Variants in FAM117A observed in about 807,000 individuals in gnomAD.
The protein encoded by FAM117A is family with sequence similarity 117 member A.
FAM117A carries 21 observed loss-of-function variants against 44.1 expected under a neutral mutation model. The ratio of observed to expected loss-of-function variants is 0.48; its 90% confidence interval spans 0.34 to 0.69. FAM117A has a LOEUF of 0.69. FAM117A is among the 30% of genes least tolerant of loss of function. FAM117A has a pLI of 0.01. For missense variants in FAM117A, 498 were observed against 589.9 expected (o/e 0.84, Z 1.61); for synonymous variants, 220 against 238.3 (o/e 0.92, Z 0.71).
chr17:49,768,255 G>A (rs967221036), upstream of FAM117A, among the ~76,000 whole-genome samples: 10 of 152,212 alleles, frequency 6.6e-5, no homozygotes, highest in East Asian at 1.9e-3. Flanking sequence ...GAATCAAGAG[G>A]AACTTTCCAC....
chr17:49,724,613 A>G (rs1392919718), intron 2 of FAM117A: 1 of 399,310 alleles, frequency 2.5e-6, no homozygotes, highest in African/African-American at 2.1e-5. Flanking sequence ...CGGGTGGATC[A>G]CTTGAGGTCA....
chr17:49,744,554 A>G (rs567595332), intron 1 of FAM117A, among the ~76,000 whole-genome samples: 2 of 152,028 alleles, frequency 1.3e-5, no homozygotes, highest in East Asian at 3.9e-4. Flanking sequence ...TCCTGGGCTC[A>G]AGCGATTCTC....
chr17:49,757,281 G>T (rs2073702894), intron 1 of FAM117A, among the ~76,000 whole-genome samples: 1 of 152,074 alleles, frequency 6.6e-6, no homozygotes, highest in Non-Finnish European at 1.5e-5. Flanking sequence ...TACATGGCCT[G>T]GACTTCAGTT....
At chr17:49,727,387 G>A (rs937092703) in intron 2 of FAM117A, among the ~76,000 whole-genome samples, 14 of 152,326 alleles carry the variant, frequency 9.2e-5, no homozygotes, top group Admixed American at 2.6e-4. Flanking sequence ...TAGCTTGGGC[G>A]ACAGGGCGAG....
intron 1 of FAM117A, among the ~76,000 whole-genome samples, chr17:49,759,865 A>G (rs553102657): frequency 1.3e-5 from 2 of 152,338 alleles, no homozygotes; most frequent in East Asian, 1.9e-4. Context: ...GGGGAAGCCA[A>G]TATTTTAGGG....
intron 1 of FAM117A, among the ~76,000 whole-genome samples, chr17:49,781,261 G>T (rs1436122327): frequency 6.6e-6 from 1 of 152,172 alleles, no homozygotes; most frequent in African/African-American, 2.4e-5. Flanking sequence ...AACAGACCTA[G>T]TAAATAAACA....
intron 1 of FAM117A, among the ~76,000 whole-genome samples, chr17:49,778,394 G>A (rs1385790394): frequency 2.0e-5 from 3 of 152,156 alleles, no homozygotes; most frequent in African/African-American, 4.8e-5. Flanking sequence ...GACCCTTAGT[G>A]TTGACTTTTG....
intron 7 of FAM117A, 22 bp from the exon 8 acceptor site, chr17:49,711,577 A>T (rs769222734): frequency 6.2e-7 from 1 of 1,610,050 alleles, no homozygotes; most frequent in South Asian, 1.1e-5. Flanking sequence ...AGAGAGACAC[A>T]CAAGACACAT....
chr17:49,717,665 C>T lies in FAM117A; in HGVS notation c.758G>A (p.Gly253Asp), dbSNP rs1441088339. The change falls in exon 6 of 8, where the codon GGC (glycine) becomes GAC (aspartate). Residue 253 changes from glycine to aspartate, a missense_variant. Physicochemically the swap from Gly to Asp is moderately conservative, Grantham distance 94. Transcript: ENST00000240364. ...GHRAPAPPQS[G>D]SCDHPLLLLE... Reference sequence around the variant, plus strand: ...GAGGAGGAGGGGATGATCACAGCTGCCACTCTGGGGAGGAGCTGGGGCCCG... The same window carrying T: ...GAGGAGGAGGGGATGATCACAGCTGTCACTCTGGGGAGGAGCTGGGGCCCG... 1.2e-6 allele frequency: 2 copies of T among 1,613,680 alleles called. No homozygotes were observed. The highest frequency in any genetic ancestry group is 1.3e-5 in the African/African-American group (1 of 74,910).
chr17:49,718,427 G>A (rs1333608792), intron 5 of FAM117A, among the ~76,000 whole-genome samples: 1 of 152,190 alleles, frequency 6.6e-6, no homozygotes, highest in Admixed American at 6.5e-5. Flanking sequence ...CCAGCACTTT[G>A]GGAGGCTGAG....
At chr17:49,772,216 CA>C (rs1334992067) in intron 1 of FAM117A, among the ~76,000 whole-genome samples, 1 of 151,388 alleles carries the variant, frequency 6.6e-6, no homozygotes, top group Non-Finnish European at 1.5e-5. Context: ...TTGCTTAACC[CA>C]GGAGATCAAG....
At chr17:49,763,648 T>G (rs1453044653) in intron 1 of FAM117A, among the ~76,000 whole-genome samples, 1 of 151,170 alleles carries the variant, frequency 6.6e-6, no homozygotes, top group East Asian at 2.0e-4. Flanking sequence ...AGCCTCCATC[T>G]GCCAGGTCCC....
intron 1 of FAM117A, among the ~76,000 whole-genome samples, chr17:49,739,282 A>T (rs2073623092): frequency 6.6e-6 from 1 of 152,178 alleles, no homozygotes; most frequent in South Asian, 2.1e-4. Context: ...AGTAAGCCCT[A>T]GCCCCTCTAT....
intron 1 of FAM117A, among the ~76,000 whole-genome samples, chr17:49,733,807 T>C (rs967647673): frequency 2.0e-5 from 3 of 152,122 alleles, no homozygotes; most frequent in Non-Finnish European, 4.4e-5. Context: ...ATCATCTAAG[T>C]TGACCCTGTT....
intron 1 of FAM117A, among the ~76,000 whole-genome samples, chr17:49,751,943 C>CAAAAAAA (rs71146933): frequency 8.8e-5 from 5 of 56,958 alleles, no homozygotes; most frequent in Admixed American, 2.0e-4. Flanking sequence ...GACTCCATCT[C>CAAAAAAA]AAAAAAAAAA....
At chr17:49,738,718 C>G (rs75253330) in intron 1 of FAM117A, among the ~76,000 whole-genome samples, 5,225 of 152,302 alleles carry the variant, frequency 0.034, 333 homozygotes, top group African/African-American at 0.12. Context: ...CCTCCCAACT[C>G]TCCAAATTCT....
intron 1 of FAM117A, among the ~76,000 whole-genome samples, chr17:49,734,274 A>G (rs2073600536): frequency 6.6e-6 from 1 of 152,042 alleles, no homozygotes; most frequent in East Asian, 1.9e-4. Context: ...TGTAGGTATA[A>G]ATAAACCTGA....
intron 1 of FAM117A, among the ~76,000 whole-genome samples, chr17:49,756,663 C>T (rs959462072): frequency 1.3e-5 from 2 of 151,102 alleles, no homozygotes; most frequent in East Asian, 1.9e-4. Context: ...CACCTGTAAT[C>T]GCAGCACTTT....
upstream of FAM117A, among the ~76,000 whole-genome samples, chr17:49,767,760 C>T (rs1272666491): frequency 1.3e-5 from 2 of 152,018 alleles, no homozygotes; most frequent in East Asian, 1.9e-4. Context: ...AAAAATTAGC[C>T]GGGAATGGTG....
Sources: allele counts gnomAD v4.1 joint callset (sites outside exome capture counted in the v4.1 genomes callset), GRCh38; gene constraint gnomAD v4.1.1; transcripts MANE v1.5; gene names NCBI Gene and HGNC (gene_info 2026-07-23, HGNC 2026-07-21).